CYREN: variants seen among roughly 807,000 people sequenced by gnomAD.
CYREN encodes cell cycle regulator of NHEJ.
CYREN carries 7 observed loss-of-function variants against 9.7 expected under a neutral mutation model. The ratio of observed to expected loss-of-function variants is 0.72; its 90% confidence interval spans 0.41 to 1.36. The LOEUF (loss-of-function observed/expected upper bound fraction) is 1.36. CYREN is among the 40% of genes most tolerant of loss of function. The probability of loss-of-function intolerance (pLI) is 0.01; values close to 1 mark genes in which losing one functional copy is unlikely to be tolerated. For synonymous variants in CYREN, 76 were observed against 77.9 expected (o/e 0.98, Z 0.13); for missense variants, 215 against 198.1 (o/e 1.09, Z -0.51).
chr7:135,171,490 T>C (rs1830653867), upstream of CYREN, among the ~76,000 whole-genome samples: 1 of 151,762 alleles, frequency 6.6e-6, no homozygotes, highest in South Asian at 2.1e-4. Context: ...ATTGTGAAAC[T>C]CCCTGCCCTG....
At chr7:135,168,018 G>C in intron 2 of CYREN, 2 of 770,568 alleles carry the variant, frequency 2.6e-6, no homozygotes, top group East Asian at 2.8e-5. Flanking sequence ...GCAACACCGG[G>C]GTGCCTCCCA....
chr7:135,095,726 T>C (rs2116955662), intron 2 of CYREN, among the ~76,000 whole-genome samples: 1 of 152,330 alleles, frequency 6.6e-6, no homozygotes, highest in African/African-American at 2.4e-5. Flanking sequence ...TCACTTTTTT[T>C]CCCCTTGACT....
Position 135,166,802 on chromosome 7 carries a change from G to C in CYREN, c.283C>G (p.Pro95Ala). The change falls in exon 4 of 4, where the codon CCC (proline) becomes GCC (alanine). Residue 95 changes from proline to alanine, a missense_variant. By Grantham distance (27) the Pro-to-Ala change is conservative. Coordinates refer to ENST00000393114, the MANE Select transcript of CYREN (RefSeq NM_024033.4). Reference sequence around the variant, plus strand: ...CTTGTGTGAGGCGACACGGAGCAGGGAGGGGAGTGCTCTGGGTTATCAGCC... The same window carrying C: ...CTTGTGTGAGGCGACACGGAGCAGGCAGGGGAGTGCTCTGGGTTATCAGCC... ...AGADNPEHSP[P>A]CSVSPHTSSG... is the part of the protein sequence containing the mutation. 6.2e-7 allele frequency: 1 copy of C among 1,614,232 alleles called. No homozygotes were observed. The highest frequency in any genetic ancestry group is 1.6e-4 in the Middle Eastern group (1 of 6,062).
At chr7:135,114,419 T>A (rs1159037292) in intron 2 of CYREN, among the ~76,000 whole-genome samples, 1 of 152,202 alleles carries the variant, frequency 6.6e-6, no homozygotes, top group African/African-American at 2.4e-5. Context: ...ATAAACATTT[T>A]TTAAAATGTT....
chr7:135,157,488 C>G (rs2117447460), intron 2 of CYREN, among the ~76,000 whole-genome samples: 1 of 152,316 alleles, frequency 6.6e-6, no homozygotes, highest in Middle Eastern at 3.4e-3. Context: ...TTTTTAGGCC[C>G]CACAGCAGCT....
In CYREN at chr7:135,135,051, C is replaced by T. The variant is rs922893098; in HGVS notation, n.356+33698G>A. Reference sequence around the variant, plus strand: ...AAATCTGGGCCATAAAGAATGAAGACATAAAACCTCTCAGCAGCAAGTGGG... The same window carrying T: ...AAATCTGGGCCATAAAGAATGAAGATATAAAACCTCTCAGCAGCAAGTGGG... On this transcript the variant is annotated intron_variant and non_coding_transcript_variant, in intron 2 of 2. Coordinates refer to the CYREN transcript ENST00000459937. The T allele has an allele frequency of 1.9e-6, 3 of 1,551,186 alleles. No homozygotes were observed. The African/African-American group carries it at 4.1e-5, about 21-fold the overall frequency.
chr7:135,130,661 G>A (rs1382243587), intron 2 of CYREN, among the ~76,000 whole-genome samples: 1 of 151,882 alleles, frequency 6.6e-6, no homozygotes, highest in Non-Finnish European at 1.5e-5. Flanking sequence ...GAATGTTCTT[G>A]AATTATCTGC....
intron 2 of CYREN, chr7:135,094,641 C>T: frequency 2.4e-6 from 1 of 419,932 alleles, no homozygotes; most frequent in East Asian, 7.1e-5. Context: ...TTCTCCGTAA[C>T]AAGGGCCTAC....
intron 2 of CYREN, among the ~76,000 whole-genome samples, chr7:135,097,094 C>T (rs1823014993): frequency 1.3e-5 from 2 of 150,046 alleles, no homozygotes; most frequent in African/African-American, 2.5e-5. Flanking sequence ...CAAATGAATG[C>T]TTATCACATC....
chr7:135,147,859 T>C, intron 2 of CYREN: 1 of 456,300 alleles, frequency 2.2e-6, no homozygotes, highest in African/African-American at 2.0e-5. Flanking sequence ...CTTCCCTTTC[T>C]GGAATTATTG....
At chr7:135,122,608 A>G (rs536860292) in intron 2 of CYREN, among the ~76,000 whole-genome samples, 5 of 152,282 alleles carry the variant, frequency 3.3e-5, no homozygotes, top group African/African-American at 9.6e-5. Flanking sequence ...GGGTTGTCAG[A>G]TACCCTATAC....
chr7:135,171,661 G>A (rs1402228557), upstream of CYREN, among the ~76,000 whole-genome samples: 5 of 152,320 alleles, frequency 3.3e-5, 1 homozygote, highest in South Asian at 1.0e-3. Context: ...GCAGTAGCTT[G>A]CCAATGCTCC....
At chr7:135,171,280 CCT>C (rs1361937571), upstream of CYREN, among the ~76,000 whole-genome samples, 1 of 151,346 alleles carries the variant, frequency 6.6e-6, no homozygotes, top group African/African-American at 2.4e-5. Context: ...AGAGAGAGAC[CCT>C]CTCATATTGT....
chr7:135,170,430 G>C (rs1216213561), intron 1 of CYREN: 1 of 152,314 alleles, frequency 6.6e-6, no homozygotes, highest in Non-Finnish European at 1.5e-5. Context: ...GGTGAGTGCG[G>C]AGCGGAAGGC....
chr7:135,167,470 G>T, intron 3 of CYREN: 3 of 1,356,782 alleles, frequency 2.2e-6, no homozygotes, highest in Non-Finnish European at 2.8e-6. Flanking sequence ...CCAGTGCACA[G>T]TCACGCTCTC....
At chr7:135,096,733 GAGAAAGAATGAAAGAA>G (rs1822891544) in intron 2 of CYREN, among the ~76,000 whole-genome samples, 2 of 51,244 alleles carry the variant, frequency 3.9e-5, no homozygotes, top group African/African-American at 1.5e-4. Flanking sequence ...AAGAAAGAAA[GAGAAAGAATGAAAGAA>G]AGAAAGAAAG....
rs558103915 is a variant in CYREN at position 135,151,669 on chromosome 7, T to G, written n.356+17080A>C. Reference sequence around the variant, plus strand: ...AGTTTGTGTCAGGCCCCAAGCCCTCTATATGTGAGTGAACTTCCTTCAGTC... The same window carrying G: ...AGTTTGTGTCAGGCCCCAAGCCCTCGATATGTGAGTGAACTTCCTTCAGTC... On this transcript the variant is annotated intron_variant and non_coding_transcript_variant, in intron 2 of 2. Transcript: ENST00000459937. The surrounding 1 kb of genome is among the most constrained non-coding windows in gnomAD (Gnocchi z 4.3). Among the ~76,000 whole-genome samples the G allele has an allele frequency of 2.0e-5, 3 of 152,324 alleles. No homozygotes were observed. Among genetic ancestry groups the G allele is most frequent in the African/African-American group, 7.2e-5 (3 of 41,560 alleles).
At chr7:135,160,735 T>TAAA (rs11295955) in intron 2 of CYREN, among the ~76,000 whole-genome samples, 15 of 145,374 alleles carry the variant, frequency 1.0e-4, no homozygotes, top group African/African-American at 3.3e-4. Flanking sequence ...TTCGCTCATT[T>TAAA]AAAAAAAAAA....
intron 2 of CYREN, among the ~76,000 whole-genome samples, chr7:135,145,915 C>T (rs1311501969): frequency 6.6e-6 from 1 of 152,162 alleles, no homozygotes; most frequent in Non-Finnish European, 1.5e-5. Context: ...TCTAAAAAAA[C>T]CTAACGGACA....
Sources: allele counts gnomAD v4.1 joint callset (sites outside exome capture counted in the v4.1 genomes callset), GRCh38; gene constraint gnomAD v4.1.1; non-coding constraint Gnocchi (gnomAD v3.1); transcripts MANE v1.5; gene names NCBI Gene and HGNC (gene_info 2026-07-23, HGNC 2026-07-21).